The following PCNT variants were observed in gnomAD, a reference collection of about 807,000 sequenced individuals.
The protein encoded by PCNT is pericentrin, also known as kendrin.
Under a neutral mutation model 380.4 loss-of-function variants are expected in PCNT, and 319 were observed. The ratio of observed to expected loss-of-function variants is 0.84; its 90% CI spans 0.77 to 0.92. The LOEUF is 0.92. PCNT is among the 40% of genes least tolerant of loss of function. PCNT has a pLI of 0.00. For synonymous variants in PCNT, 1,845 were observed against 1,735.2 expected (o/e 1.06, Z -1.57); for missense variants, 4,400 against 4,255.3 (o/e 1.03, Z -0.95).
chr21:46,442,649 C>T (rs1175978175), intron 44 of PCNT, 76 bp downstream of exon 44: 2 of 945,004 alleles, frequency 2.1e-6, no homozygotes, highest in Non-Finnish European at 1.7e-6. Flanking sequence ...CACTTTGGGT[C>T]ATTTTTCAGT....
intron 1 of PCNT, among the ~76,000 whole-genome samples, chr21:46,326,142 T>A (rs975439736): frequency 6.6e-6 from 1 of 152,248 alleles, no homozygotes; most frequent in Non-Finnish European, 1.5e-5. Context: ...ATTCTGCCAA[T>A]CAGCCGTATG....
chr21:46,325,816 C>G (rs965486269), intron 1 of PCNT, among the ~76,000 whole-genome samples: 2 of 152,180 alleles, frequency 1.3e-5, no homozygotes, highest in African/African-American at 4.8e-5. Flanking sequence ...ATGGGCGATG[C>G]TCTGTGGATG....
chr21:46,359,480 G>GTTGTTTTTTTTTTTTTTT (rs2084609442), intron 13 of PCNT, among the ~76,000 whole-genome samples: 2 of 65,732 alleles, frequency 3.0e-5, no homozygotes, highest in Admixed American at 2.1e-4. Context: ...AAATACACCT[G>GTTGTTTTTTTTTTTTTTT]TTTTTTTTTT....
At chr21:46,343,022 C>G (rs1454366148) in intron 3 of PCNT, among the ~76,000 whole-genome samples, 4 of 152,120 alleles carry the variant, frequency 2.6e-5, no homozygotes, top group African/African-American at 9.7e-5. Flanking sequence ...GATTTCGTGT[C>G]CTGAAACTTT....
chr21:46,356,230 G>A (rs890377940), intron 12 of PCNT, among the ~76,000 whole-genome samples: 8 of 152,204 alleles, frequency 5.3e-5, no homozygotes, highest in Non-Finnish European at 8.8e-5. Context: ...TGGGGGTGAG[G>A]GGCTGAGGCC....
chr21:46,436,681 G>C (rs751929978), intron 39 of PCNT, among the ~76,000 whole-genome samples: 17 of 152,128 alleles, frequency 1.1e-4, no homozygotes, highest in African/African-American at 2.4e-5. Flanking sequence ...GTTTCACTTA[G>C]GACAGCATTT....
intron 3 of PCNT, among the ~76,000 whole-genome samples, chr21:46,344,864 C>T (rs1189309755): frequency 6.6e-6 from 1 of 152,226 alleles, no homozygotes; most frequent in Non-Finnish European, 1.5e-5. Context: ...GAAAGGCTTT[C>T]TGTGGCTCGA....
intron 15 of PCNT, among the ~76,000 whole-genome samples, chr21:46,374,849 C>CAAAA (rs760273140): frequency 1.2e-4 from 10 of 85,478 alleles, no homozygotes; most frequent in African/African-American, 3.3e-4. Flanking sequence ...AACTTCGTCT[C>CAAAA]AAAAAAAAAA....
intron 17 of PCNT, among the ~76,000 whole-genome samples, chr21:46,386,360 G>A (rs2085836466): frequency 6.6e-6 from 1 of 152,270 alleles, no homozygotes; most frequent in South Asian, 2.1e-4. Context: ...CATGTCTCGT[G>A]GTTCCTGTGC....
chr21:46,432,265 T>C, intron 38 of PCNT, 50 bp downstream of exon 38: 2 of 1,539,886 alleles, frequency 1.3e-6, no homozygotes, highest in Non-Finnish European at 1.8e-6. Context: ...CGATAAGCAA[T>C]TGGAGTTAGG....
chr21:46,399,547 A>G (rs955356932), intron 24 of PCNT, 43 bp from the exon 25 acceptor site: 2 of 1,472,100 alleles, frequency 1.4e-6, no homozygotes, highest in Admixed American at 3.3e-5. Context: ...GGGTTTTTAT[A>G]AAACATTCTA....
intron 44 of PCNT, chr21:46,442,808 C>A: frequency 1.7e-6 from 1 of 588,376 alleles, no homozygotes; most frequent in Non-Finnish European, 3.0e-6. Flanking sequence ...ATGGGAAACA[C>A]TGAGATGCTC....
In PCNT at chr21:46,325,937, C is replaced by T. The variant is rs114451753; in HGVS notation, c.55-440C>T. On this transcript the variant is annotated intron_variant, in intron 1 of 46. Coordinates refer to ENST00000359568, the MANE Select transcript of PCNT (RefSeq NM_006031.6). ...ATTTTTTGCTATTTCTGTATCTTGT[C>T]TCAGAATCTATGGCTAGGAAGTTTT... is the stretch of plus-strand genomic sequence containing the variant. Among the ~76,000 whole-genome samples the T allele has an allele frequency of 5.7e-3, 871 of 152,282 alleles. 9 individuals carry two copies. The highest frequency in any genetic ancestry group is 0.02 in the African/African-American group (835 of 41,542).
At chr21:46,336,833 C>A (rs2083751977) in intron 3 of PCNT, among the ~76,000 whole-genome samples, 1 of 152,060 alleles carries the variant, frequency 6.6e-6, no homozygotes, top group South Asian at 2.1e-4. Flanking sequence ...AATAGGAATA[C>A]ATACTGATAC....
intron 2 of PCNT, among the ~76,000 whole-genome samples, chr21:46,327,620 C>T (rs1486479842): frequency 6.6e-6 from 1 of 152,182 alleles, no homozygotes; most frequent in Non-Finnish European, 1.5e-5. Context: ...TACTTGAAGA[C>T]AAGTGTCAGT....
intron 15 of PCNT, among the ~76,000 whole-genome samples, chr21:46,379,665 T>A (rs1192967410): frequency 1.3e-5 from 2 of 152,162 alleles, no homozygotes; most frequent in Non-Finnish European, 2.9e-5. Context: ...TCGTCTTAAT[T>A]GACCTATCTT....
Position 46,438,146 on chromosome 21 carries a change from T to C in PCNT, c.9100-18T>C, listed in dbSNP as rs772609834. On this transcript the variant is annotated intron_variant, in intron 40 of 46. Transcript: ENST00000359568. ...CTTTAACAACAAATTCTTACAAATT[T>C]ATTTTCTTTTCTCCAAGAAAAAAAT... 15 of 1,606,106 alleles carry C rather than the reference T, an allele frequency of 9.3e-6. No individual in the cohort carries two copies. The Admixed American group carries it at 1.3e-4, about 14-fold the overall frequency.
At chr21:46,371,927 G>A (rs1290410037) in intron 15 of PCNT, among the ~76,000 whole-genome samples, 1 of 146,976 alleles carries the variant, frequency 6.8e-6, no homozygotes, top group African/African-American at 2.5e-5. Context: ...CACAGCACAT[G>A]CGCATGCTCA....
chr21:46,442,695 C>T (rs1045742754), intron 44 of PCNT, 122 bp downstream of exon 44: 199 of 739,572 alleles, frequency 2.7e-4, no homozygotes, highest in Non-Finnish European at 4.3e-5. Context: ...GTAAGAAAAT[C>T]CGTGAATTCC....
Sources: gnomAD v4.1 joint callset for allele counts (sites outside exome capture counted in the v4.1 genomes callset) on GRCh38, gnomAD v4.1.1 for gene constraint, MANE v1.5 for transcripts, NCBI Gene and HGNC (gene_info 2026-07-23, HGNC 2026-07-21) for gene names.